The following LRRC4C variants were observed in gnomAD, a reference collection of about 807,000 sequenced individuals.
LRRC4C encodes leucine rich repeat containing 4C, also known as leucine-rich repeat-containing protein 4C.
LRRC4C carries 5 observed loss-of-function variants against 33.6 expected under a neutral mutation model. That is an observed-to-expected ratio of 0.15 (90% CI 0.08 to 0.31). The LOEUF (loss-of-function observed/expected upper bound fraction) is 0.31, where lower values mean the gene tolerates loss of function less well. Ranked by LOEUF, LRRC4C falls within the 10% of genes least tolerant of loss-of-function variation. LRRC4C has a pLI of 1.00. For synonymous variants in LRRC4C, 329 were observed against 302.0 expected (o/e 1.09, Z -0.93); for missense variants, 560 against 796.7 (o/e 0.70, Z 3.58).
intron 5 of LRRC4C, among the ~76,000 whole-genome samples, chr11:40,161,749 T>A (rs560083583): frequency 1.2e-4 from 19 of 152,178 alleles, no homozygotes; most frequent in African/African-American, 4.6e-4. Context: ...AGAGCGAGAC[T>A]CCTTCTCCGA....
chr11:41,208,262 G>A (rs959056080), intron 1 of LRRC4C, among the ~76,000 whole-genome samples: 1 of 152,262 alleles, frequency 6.6e-6, no homozygotes, highest in Admixed American at 6.5e-5. Flanking sequence ...TGATAAAATT[G>A]GTTATTTAGT....
intron 2 of LRRC4C, among the ~76,000 whole-genome samples, chr11:40,711,479 T>C (rs1235160469): frequency 6.6e-6 from 1 of 152,182 alleles, no homozygotes; most frequent in Non-Finnish European, 1.5e-5. Context: ...TTATTAGAAA[T>C]AATTCAGGTT....
chr11:40,174,228 T>G (rs573179455), intron 5 of LRRC4C, among the ~76,000 whole-genome samples: 1 of 152,356 alleles, frequency 6.6e-6, no homozygotes, highest in Non-Finnish European at 1.5e-5. Context: ...ACAAGACTGA[T>G]GCCTTGTGTT....
chr11:41,162,924 T>C (rs1285841039), intron 1 of LRRC4C, among the ~76,000 whole-genome samples: 1 of 152,142 alleles, frequency 6.6e-6, no homozygotes, highest in African/African-American at 2.4e-5. Context: ...TGGCACTGTT[T>C]CCCCACCCAA....
At chr11:40,203,078 A>G (rs932147182) in intron 5 of LRRC4C, among the ~76,000 whole-genome samples, 1 of 152,172 alleles carries the variant, frequency 6.6e-6, no homozygotes, top group Non-Finnish European at 1.5e-5. Flanking sequence ...AGCCACTGTA[A>G]TATTTGAAAA....
intron 2 of LRRC4C, among the ~76,000 whole-genome samples, chr11:40,719,521 A>T (rs959821440): frequency 6.6e-5 from 10 of 152,216 alleles, no homozygotes; most frequent in African/African-American, 2.4e-4. Flanking sequence ...AGAATGAGAA[A>T]TCCAATTCCA....
At chr11:40,581,085 A>T (rs780133251) in intron 3 of LRRC4C, among the ~76,000 whole-genome samples, 1 of 152,134 alleles carries the variant, frequency 6.6e-6, no homozygotes, top group Non-Finnish European at 1.5e-5. Context: ...TATTCCTTTG[A>T]CTGCTTTTCC....
intron 5 of LRRC4C, among the ~76,000 whole-genome samples, chr11:40,223,053 T>C (rs888551937): frequency 2.8e-5 from 4 of 141,802 alleles, no homozygotes; most frequent in Non-Finnish European, 6.1e-5. Context: ...ATATAAGAAA[T>C]ATACTAAAAA....
intron 3 of LRRC4C, among the ~76,000 whole-genome samples, chr11:40,491,778 A>C (rs1413144823): frequency 6.6e-6 from 1 of 152,112 alleles, no homozygotes; most frequent in Non-Finnish European, 1.5e-5. Context: ...AAAAAACTTT[A>C]CATTTTTGTT....
intron 2 of LRRC4C, among the ~76,000 whole-genome samples, chr11:40,686,021 TA>T (rs1344840796): frequency 6.6e-6 from 1 of 151,840 alleles, no homozygotes; most frequent in Non-Finnish European, 1.5e-5. Flanking sequence ...TATCCCAAGA[TA>T]AACTACTTCT....
intron 4 of LRRC4C, among the ~76,000 whole-genome samples, chr11:40,266,949 CCACCCACCCACCCACA>C (rs993882290): frequency 2.5e-5 from 3 of 121,728 alleles, no homozygotes; most frequent in Non-Finnish European, 3.4e-5. Context: ...ACCCACCCAC[CCACCCACCCACCCACA>C]CACACACAGT....
At chr11:40,800,513 A>G (rs1466135162) in intron 2 of LRRC4C, among the ~76,000 whole-genome samples, 1 of 152,170 alleles carries the variant, frequency 6.6e-6, no homozygotes, top group Non-Finnish European at 1.5e-5. Context: ...TCACAATCAC[A>G]CTTTTGCATT....
At chr11:40,448,393 C>T (rs1166049165) in intron 3 of LRRC4C, among the ~76,000 whole-genome samples, 1 of 152,036 alleles carries the variant, frequency 6.6e-6, no homozygotes, top group African/African-American at 2.4e-5. Context: ...TAATGCTACC[C>T]TCCCCTAGCT....
chr11:41,188,866 T>C, intron 1 of LRRC4C, among the ~76,000 whole-genome samples: 1 of 150,304 alleles, frequency 6.7e-6, no homozygotes, highest in East Asian at 2.0e-4. Context: ...ATGAGAATTG[T>C]AAAGAAAACT....
chr11:41,291,310 T>A (rs1248170711), intron 1 of LRRC4C, among the ~76,000 whole-genome samples: 1 of 152,116 alleles, frequency 6.6e-6, no homozygotes, highest in African/African-American at 2.4e-5. Context: ...TCAGGGGTAA[T>A]AAATAAAAGC....
intron 5 of LRRC4C, among the ~76,000 whole-genome samples, chr11:40,186,512 T>G (rs532691832): frequency 6.6e-6 from 1 of 152,344 alleles, no homozygotes; most frequent in Admixed American, 6.5e-5. Context: ...AAGCTTTTTC[T>G]TACAGTCTCT....
chr11:40,777,610 T>TA, intron 2 of LRRC4C, among the ~76,000 whole-genome samples: 1 of 152,038 alleles, frequency 6.6e-6, no homozygotes, highest in Non-Finnish European at 1.5e-5. Context: ...TATAATGCTT[T>TA]ACTCTGAGTC....
At chr11:40,337,815 T>C (rs1432950334) in intron 3 of LRRC4C, among the ~76,000 whole-genome samples, 1 of 152,180 alleles carries the variant, frequency 6.6e-6, no homozygotes, top group Non-Finnish European at 1.5e-5. Context: ...TTATTTTTCC[T>C]GATCCTCTCA....
intron 4 of LRRC4C, among the ~76,000 whole-genome samples, chr11:40,250,511 G>A (rs928262500): frequency 6.6e-6 from 1 of 151,924 alleles, no homozygotes; most frequent in African/African-American, 2.4e-5. Context: ...AGGTCAAGTA[G>A]GGTGGGTCAC....
Sources: allele counts gnomAD v4.1 joint callset (sites outside exome capture counted in the v4.1 genomes callset), GRCh38; gene constraint gnomAD v4.1.1; transcripts MANE v1.5; gene names NCBI Gene and HGNC (gene_info 2026-07-23, HGNC 2026-07-21).